Variants in SLC38A10 observed in about 807,000 individuals in gnomAD.
SLC38A10 encodes the protein Sodium-coupled neutral amino acid transporter 10.
Under a neutral mutation model 81.0 loss-of-function variants are expected in SLC38A10, and 53 were observed. The ratio of observed to expected loss-of-function variants is 0.65; its 90% CI spans 0.53 to 0.82. The LOEUF is 0.82. Among genes scored for constraint, SLC38A10 ranks in the 40% least tolerant of loss-of-function variants. The probability of loss-of-function intolerance (pLI) is 0.00; values close to 1 mark genes in which losing one functional copy is unlikely to be tolerated. For synonymous variants in SLC38A10, 665 were observed against 655.3 expected (o/e 1.01, Z -0.23); for missense variants, 1,471 against 1,545.0 (o/e 0.95, Z 0.80).
Position 81,252,489 on chromosome 17 carries a change from CTT to C in SLC38A10, c.1649_1650del (p.Gln550ArgfsTer22), listed in dbSNP as rs756220000. The C allele has an allele frequency of 1.2e-5, 20 of 1,613,412 alleles. No individual in the cohort carries two copies. The highest frequency in any genetic ancestry group is 1.7e-5 in the Admixed American group (1 of 60,002). On this transcript the variant is annotated frameshift_variant, in exon 13 of 16. Transcript: ENST00000374759. LOFTEE classifies it high-confidence loss of function. ...TTCCCAACCTCTCCCTGCTCCGGCT[CTT>C]GTTTCTCTCTTTCTGAGTCGGGCAG... is the stretch of plus-strand genomic sequence containing the variant. ...PPLPDSEREK[Q>X]EPEQGEVGKR...
rs1398181911 is a variant in SLC38A10 at position 81,281,619 on chromosome 17, A to T, written c.501+570T>A. On this transcript the variant is annotated intron_variant, in intron 5 of 15. Coordinates refer to ENST00000374759, the MANE Select transcript of SLC38A10 (RefSeq NM_001037984.3). This position sits in a 1 kb window ranked among gnomAD's most constrained non-coding sequence, Gnocchi z 5.3. Reference sequence around the variant, plus strand: ...GTGAAACCCCTTCTCTACTAAAAATAAAAAAAATTAGCCAGGTGTGGTGGC... The same window carrying T: ...GTGAAACCCCTTCTCTACTAAAAATTAAAAAAATTAGCCAGGTGTGGTGGC... Among the ~76,000 whole-genome samples the T allele has an allele frequency of 3.3e-5, 5 of 151,856 alleles. No individual in the cohort carries two copies. Among genetic ancestry groups the T allele is most frequent in the Admixed American group, 2.6e-4 (4 of 15,244 alleles).
chr17:81,287,714 G>A (rs529584064), intron 2 of SLC38A10, among the ~76,000 whole-genome samples: 2 of 152,216 alleles, frequency 1.3e-5, no homozygotes, highest in African/African-American at 4.8e-5. Flanking sequence ...GCACCCACCC[G>A]GCAATTTTCT....
In SLC38A10 at chr17:81,275,990, G is replaced by GC. The variant is rs1475022893; in HGVS notation, c.890dup (p.Ser297ArgfsTer6). On this transcript the variant is annotated frameshift_variant, in exon 8 of 16. Transcript: ENST00000374759. LOFTEE classifies it high-confidence loss of function. ...TTACCTGCTGCTCACACAGCAGCGT[G>GC]CTCAGGGCCTGCCTGCATGGCAGGA... The GC allele has an allele frequency of 6.2e-7, 1 of 1,613,644 alleles. No homozygotes were observed.
Position 81,286,694 on chromosome 17 carries a change from C to T in SLC38A10, c.218-1799G>A, listed in dbSNP as rs144526648. 7.7e-4 allele frequency among the ~76,000 whole-genome samples: 118 copies of T among 152,286 alleles called. 2 individuals carry two copies. The East Asian group carries it at 0.015, about 19-fold the overall frequency. On this transcript the variant is annotated intron_variant, in intron 2 of 15. Coordinates refer to ENST00000374759, the MANE Select transcript of SLC38A10 (RefSeq NM_001037984.3). This position sits in a 1 kb window ranked among gnomAD's most constrained non-coding sequence, Gnocchi z 6.0. ...CGGCGAGCTCTGAGGGCGCGGCCTC[C>T]ATGCAGGGTGTACCCTACCCCAGGT...
rs1211438883 is a variant in SLC38A10 at position 81,277,462 on chromosome 17, G to T, written c.627-329C>A. Among the ~76,000 whole-genome samples the T allele has an allele frequency of 6.6e-6, 1 of 152,248 alleles. No homozygotes were observed. The highest frequency in any genetic ancestry group is 1.5e-5 in the Non-Finnish European group (1 of 68,048). ...GTTTACAGGGCAAGCAGCCGGAGGAGGCTGCTCAGAGAATCGCTGTCAAGA... is the reference window on the plus strand; with the variant it reads ...GTTTACAGGGCAAGCAGCCGGAGGATGCTGCTCAGAGAATCGCTGTCAAGA... On this transcript the variant is annotated intron_variant, in intron 6 of 15. Transcript: ENST00000374759. The surrounding 1 kb of genome is among the most constrained non-coding windows in gnomAD (Gnocchi z 4.5).
chr17:81,269,040 T>C (rs1041146260), intron 10 of SLC38A10, among the ~76,000 whole-genome samples: 2 of 152,214 alleles, frequency 1.3e-5, no homozygotes, highest in African/African-American at 4.8e-5. Context: ...AAGGAGTATT[T>C]AACACGATAA....
chr17:81,272,469 A>C, intron 9 of SLC38A10, 47 bp downstream of exon 9: 1 of 1,205,234 alleles, frequency 8.3e-7, no homozygotes, highest in Non-Finnish European at 1.1e-6. Flanking sequence ...TTGATGCCGA[A>C]GCCCCGGGTC....
chr17:81,294,646 C>T (rs1453718974), intron 1 of SLC38A10, among the ~76,000 whole-genome samples, 177 bp downstream of exon 1: 1 of 152,254 alleles, frequency 6.6e-6, no homozygotes, highest in East Asian at 1.9e-4. Flanking sequence ...GTGCGCTTCT[C>T]ATCCACGGAT....
intron 11 of SLC38A10, among the ~76,000 whole-genome samples, chr17:81,257,614 G>C (rs1439376954): frequency 1.3e-5 from 2 of 152,216 alleles, no homozygotes; most frequent in South Asian, 4.1e-4. Context: ...TCCACGCATG[G>C]GGGCTGTGTG....
In SLC38A10 at chr17:81,272,562, G is replaced by A. The variant is rs770877805; in HGVS notation, c.978C>T (p.Leu326=). The change falls in exon 9 of 16, where the codon CTC becomes CTT. Residue 326 remains leucine (L), a synonymous_variant. Transcript: ENST00000374759. ...CAACCATGGTTCCAAACACCACAGA[G>A]AGGGTAAGTGCTTTAAACCGGAGAG... The part of the protein sequence containing the change: ...MPPLRFKALT[L]SVVFGTMVGG... 3 of 1,599,278 alleles carry A rather than the reference G, an allele frequency of 1.9e-6. No homozygotes were observed. Among genetic ancestry groups the A allele is most frequent in the Non-Finnish European group, 2.6e-6 (3 of 1,173,744 alleles).
In SLC38A10 at chr17:81,294,977, C is replaced by G. The variant is rs2063337451; in HGVS notation, c.-56G>C. 6.6e-7 allele frequency: 1 copy of G among 1,520,362 alleles called. No individual in the cohort carries two copies. Among genetic ancestry groups the G allele is most frequent in the Non-Finnish European group, 8.8e-7 (1 of 1,135,092 alleles). The allele number at this position is 1,520,362 out of a possible 1,614,324, so 94.2% of individuals were successfully genotyped here. A position where few individuals can be genotyped will look rare whatever the true frequency, so the allele number is the denominator to read the frequency against. On this transcript the variant is annotated 5_prime_UTR_variant, in exon 1 of 16. Transcript: ENST00000374759. ...GCCTCGGGGGTCGCCGGGCTGCGGCCGGCTTTGGAAGCCCAGCCCGAGGCC... is the reference window on the plus strand; with the variant it reads ...GCCTCGGGGGTCGCCGGGCTGCGGCGGGCTTTGGAAGCCCAGCCCGAGGCC...
rs1173142761 is a variant in SLC38A10, at chr17:81,251,572, C to T, written c.1986G>A (p.Gly662=). The T allele has an allele frequency of 2.0e-6, 3 of 1,498,004 alleles. No individual in the cohort carries two copies. The East Asian group carries it at 6.9e-5, about 35-fold the overall frequency. 92.8% of individuals were successfully genotyped at this position (1,498,004 alleles called of 1,614,324 possible). A position where few individuals can be genotyped will look rare whatever the true frequency, so the allele number is the denominator to read the frequency against. Residue 662 remains glycine, a synonymous_variant, in exon 14 of 16, where the codon GGG becomes GGA. Transcript: ENST00000374759. Reference sequence around the variant, plus strand: ...CGCGAGGCTCGGGCGGCAGCCCAGGCCCTGGAGCCGGCTTCTCCGCTGGGA... The same window carrying T: ...CGCGAGGCTCGGGCGGCAGCCCAGGTCCTGGAGCCGGCTTCTCCGCTGGGA... ...PPLPAEKPAP[G]PGLPPEPREQ...
chr17:81,249,428 A>G (rs2062887271), intron 14 of SLC38A10, among the ~76,000 whole-genome samples: 13 of 139,974 alleles, frequency 9.3e-5, no homozygotes, highest in African/African-American at 3.9e-4. Flanking sequence ...GAGGAGGGAG[A>G]AGGAGGGAGG....
Position 81,283,378 on chromosome 17 carries a change from G to T in SLC38A10, c.357+31C>A. The T allele has an allele frequency of 6.3e-7, 1 of 1,598,780 alleles. No individual in the cohort carries two copies. Among genetic ancestry groups the T allele is most frequent in the South Asian group, 1.1e-5 (1 of 89,652 alleles). Reference sequence around the variant, plus strand: ...GGCCTCAGAGCAGCCGTCAGCATCTGAACAACCCAGAACCCTGAACACATC... The same window carrying T: ...GGCCTCAGAGCAGCCGTCAGCATCTTAACAACCCAGAACCCTGAACACATC... On this transcript the variant is annotated intron_variant, in intron 4 of 15. Coordinates refer to ENST00000374759, the MANE Select transcript of SLC38A10 (RefSeq NM_001037984.3). The surrounding 1 kb of genome is among the most constrained non-coding windows in gnomAD (Gnocchi z 4.7).
Position 81,245,951 on chromosome 17 carries a change from G to C in SLC38A10, c.2965C>G (p.Arg989Gly). The change falls in exon 16 of 16, where the codon CGC becomes GGC. Residue 989 changes from arginine (R) to glycine (G), a missense_variant. By Grantham distance (125) the Arg-to-Gly change is moderately radical. Transcript: ENST00000374759. ...HGGHLEMRKA[R>G]GGDHVPVSHE... ...GACACAGGCACATGGTCCCCCCCGCGGGCCTTTCTCATCTCCAGGTGACCG... is the reference window on the plus strand; with the variant it reads ...GACACAGGCACATGGTCCCCCCCGCCGGCCTTTCTCATCTCCAGGTGACCG... 12 of 1,605,876 alleles carry C rather than the reference G, an allele frequency of 7.5e-6. No homozygotes were observed. Among genetic ancestry groups the C allele is most frequent in the Middle Eastern group, 1.7e-4 (1 of 6,012 alleles).
rs543960884 is a variant in SLC38A10 at position 81,270,472 on chromosome 17, C to A, written c.1131+446G>T. ...AACCTGACCTGCACAGGGTTTTGAG[C>A]AAAAGCAGCAGGAAGCTGTGTTACA... On this transcript the variant is annotated intron_variant, in intron 10 of 15. Coordinates refer to ENST00000374759, the MANE Select transcript of SLC38A10 (RefSeq NM_001037984.3). The surrounding 1 kb of genome is among the most constrained non-coding windows in gnomAD (Gnocchi z 4.0). Among the ~76,000 whole-genome samples the A allele has an allele frequency of 6.6e-6, 1 of 152,026 alleles. No homozygotes were observed. Among genetic ancestry groups the A allele is most frequent in the African/African-American group, 2.4e-5 (1 of 41,392 alleles).
In SLC38A10 at chr17:81,265,918, G is replaced by A. The variant is rs958595228; in HGVS notation, c.1131+5000C>T. Among the ~76,000 whole-genome samples, 1 of 152,352 alleles carries A rather than the reference G, an allele frequency of 6.6e-6. No homozygotes were observed. Among genetic ancestry groups the A allele is most frequent in the African/African-American group, 2.4e-5 (1 of 41,588 alleles). ...AAAGAAACCTCTCCGTCTCCTCCAC[G>A]CACAGCCAAACTGCGGTGAATGTGA... On this transcript the variant is annotated intron_variant, in intron 10 of 15. Coordinates refer to ENST00000374759, the MANE Select transcript of SLC38A10 (RefSeq NM_001037984.3). This position sits in a 1 kb window ranked among gnomAD's most constrained non-coding sequence, Gnocchi z 4.2.
rs1392434478 is a variant in SLC38A10, at chr17:81,283,840, AC to A, written c.264-339del. Among the ~76,000 whole-genome samples the A allele has an allele frequency of 1.3e-5, 2 of 150,632 alleles. No homozygotes were observed. The highest frequency in any genetic ancestry group is 6.6e-5 in the Admixed American group (1 of 15,178). ...TAGCCAGGATGGTCTCGATCTCCTGACCTCTGTGATCCGCCTGCCTCAGCCT... is the reference window on the plus strand; with the variant it reads ...TAGCCAGGATGGTCTCGATCTCCTGACTCTGTGATCCGCCTGCCTCAGCCT... On this transcript the variant is annotated intron_variant, in intron 3 of 15. Coordinates refer to ENST00000374759, the MANE Select transcript of SLC38A10 (RefSeq NM_001037984.3). This position sits in a 1 kb window ranked among gnomAD's most constrained non-coding sequence, Gnocchi z 4.7.
Position 81,270,463 on chromosome 17 carries a change from G to C in SLC38A10, c.1131+455C>G, listed in dbSNP as rs980264744. Among the ~76,000 whole-genome samples the C allele has an allele frequency of 1.3e-5, 2 of 152,140 alleles. No homozygotes were observed. The highest frequency in any genetic ancestry group is 2.9e-5 in the Non-Finnish European group (2 of 68,020). On this transcript the variant is annotated intron_variant, in intron 10 of 15. Coordinates refer to ENST00000374759, the MANE Select transcript of SLC38A10 (RefSeq NM_001037984.3). This position sits in a 1 kb window ranked among gnomAD's most constrained non-coding sequence, Gnocchi z 4.0. The stretch of plus-strand genomic sequence containing the variant: ...CTGTGGAGCAACCTGACCTGCACAG[G>C]GTTTTGAGCAAAAGCAGCAGGAAGC...
Sources: allele counts gnomAD v4.1 joint callset (sites outside exome capture counted in the v4.1 genomes callset), GRCh38; gene constraint gnomAD v4.1.1; non-coding constraint Gnocchi (gnomAD v3.1); transcripts MANE v1.5; gene names NCBI Gene and HGNC (gene_info 2026-07-23, HGNC 2026-07-21).